The following CPEB1 variants were observed in gnomAD, a reference collection of about 807,000 sequenced individuals.
CPEB1 encodes the protein cytoplasmic polyadenylation element-binding protein 1.
CPEB1 carries 7 observed loss-of-function variants against 65.8 expected under a neutral mutation model. The observed-to-expected ratio is 0.11, with a 90% CI of 0.06 to 0.20. CPEB1 has a LOEUF of 0.20. Among genes scored for constraint, CPEB1 ranks in the 10% least tolerant of loss-of-function variants. The probability of loss-of-function intolerance (pLI) is 1.00; values close to 1 mark genes in which losing one functional copy is unlikely to be tolerated. For missense variants in CPEB1, 551 were observed against 712.2 expected, an observed-to-expected ratio of 0.77 and a Z score of 2.58; for synonymous variants, 262 against 260.0, an observed-to-expected ratio of 1.01 and a Z score of -0.08.
At chr15:82,552,380 T>C in intron 9 of CPEB1, 100 bp downstream of exon 9, 1 of 1,166,928 alleles carries the variant, frequency 8.6e-7, no homozygotes, top group Non-Finnish European at 1.2e-6. Flanking sequence ...TCAGCAGGAA[T>C]ACTCCTTGCC....
chr15:82,625,737 T>TC (rs1396405471), intron 3 of CPEB1, among the ~76,000 whole-genome samples: 3 of 152,204 alleles, frequency 2.0e-5, no homozygotes, highest in East Asian at 1.9e-4. Flanking sequence ...TGACTGTAAT[T>TC]ATCAGTCCTT....
rs1649434455 is a variant in CPEB1 at position 82,561,984 on chromosome 15, T to C, written c.461-3998A>G. Among the ~76,000 whole-genome samples, 3 of 152,338 alleles carry C rather than the reference T, an allele frequency of 2.0e-5. No individual in the cohort carries two copies. The South Asian group carries it at 6.2e-4, about 32-fold the overall frequency. On this transcript the variant is annotated intron_variant, in intron 4 of 12. Transcript: ENST00000684509. ...AACGTCTAGCACATGTCAAACACTG[T>C]GTTAGAAGCACTTTAGGTAAACAGT... is the stretch of plus-strand genomic sequence containing the variant.
At chr15:82,552,333 T>C (rs935508429) in intron 9 of CPEB1, 147 bp downstream of exon 9, 3 of 672,822 alleles carry the variant, frequency 4.5e-6, no homozygotes, top group Non-Finnish European at 6.9e-6. Flanking sequence ...GAGAGGATAC[T>C]GCTATTTTAT....
At chr15:82,607,023 G>C (rs993298591) in intron 3 of CPEB1, among the ~76,000 whole-genome samples, 7 of 151,770 alleles carry the variant, frequency 4.6e-5, no homozygotes, top group Non-Finnish European at 8.8e-5. Context: ...AAGAGACAAG[G>C]AAATTAAAGA....
At chr15:82,576,134 G>T (rs2040620155) in intron 3 of CPEB1, among the ~76,000 whole-genome samples, 1 of 152,100 alleles carries the variant, frequency 6.6e-6, no homozygotes, top group African/African-American at 2.4e-5. Flanking sequence ...CTATTATTCA[G>T]CAATAAAAAG....
intron 7 of CPEB1, 104 bp downstream of exon 7, chr15:82,553,774 G>A (rs1217532096): frequency 3.5e-6 from 3 of 855,450 alleles, no homozygotes; most frequent in Non-Finnish European, 5.9e-6. Flanking sequence ...AATACCCTGA[G>A]CTCAGGCAGG....
chr15:82,615,477 A>AT (rs1567223970), intron 3 of CPEB1, among the ~76,000 whole-genome samples: 1 of 152,218 alleles, frequency 6.6e-6, no homozygotes, highest in Non-Finnish European at 1.5e-5. Context: ...TCTGTCAGTG[A>AT]TTTTAATTAT....
chr15:82,631,050 A>G (rs532247909), intron 1 of CPEB1, among the ~76,000 whole-genome samples: 1 of 152,350 alleles, frequency 6.6e-6, no homozygotes, highest in South Asian at 2.1e-4. Flanking sequence ...TACATGACAG[A>G]TAAGTGGCAG....
intron 1 of CPEB1, chr15:82,629,115 A>G: frequency 4.5e-6 from 1 of 221,436 alleles, no homozygotes; most frequent in Non-Finnish European, 7.6e-6. Flanking sequence ...TTTTATGTCA[A>G]TACAGCTGTT....
At chr15:82,582,737 C>CTTTT (rs11300517) in intron 3 of CPEB1, among the ~76,000 whole-genome samples, 14 of 87,394 alleles carry the variant, frequency 1.6e-4, no homozygotes, top group East Asian at 9.1e-4. Flanking sequence ...ACTAGGAGTT[C>CTTTT]TTTTTTTTTT....
chr15:82,643,268 C>T (rs917723969), intron 1 of CPEB1, among the ~76,000 whole-genome samples: 1 of 152,176 alleles, frequency 6.6e-6, no homozygotes, highest in African/African-American at 2.4e-5. Flanking sequence ...TAGCTTGTGT[C>T]TGAGTTTACA....
chr15:82,592,441 G>A (rs2042334035), intron 3 of CPEB1, among the ~76,000 whole-genome samples: 1 of 151,854 alleles, frequency 6.6e-6, no homozygotes, highest in African/African-American at 2.4e-5. Context: ...TACAGGGACT[G>A]GTACGGCATG....
chr15:82,564,612 T>C (rs17158417), intron 4 of CPEB1, among the ~76,000 whole-genome samples: 2,376 of 152,248 alleles, frequency 0.016, 61 homozygotes, highest in African/African-American at 0.055. Flanking sequence ...AATGTTGACT[T>C]AGAGTGTAAT....
At chr15:82,603,064 G>T (rs1324404193) in intron 3 of CPEB1, among the ~76,000 whole-genome samples, 3 of 152,054 alleles carry the variant, frequency 2.0e-5, no homozygotes, top group Admixed American at 2.0e-4. Flanking sequence ...CAAGATAGCT[G>T]AATCTTGGTA....
chr15:82,578,280 A>G (rs1379196333), intron 3 of CPEB1, among the ~76,000 whole-genome samples: 1 of 152,252 alleles, frequency 6.6e-6, no homozygotes, highest in Non-Finnish European at 1.5e-5. Flanking sequence ...CTTTTCAACC[A>G]ATATGAAGGA....
rs374639193 is a variant in CPEB1, at chr15:82,556,065, T to C, written c.745A>G (p.Arg249Gly). The stretch of plus-strand genomic sequence containing the variant: ...CCTACCCCCATCTTTAAAGGGTCTC[T>C]GGGACCACCCCCTGACAGAGACAGG... ...PFLSLSGGGP[R>G]DPLKMGVGSR... The change falls in exon 6 of 13, where the codon AGA (arginine) becomes GGA (glycine). Residue 249 changes from arginine (R) to glycine (G), a missense_variant. By Grantham distance (125) the Arg-to-Gly change is moderately radical. Around this residue, in one of 6 missense-constraint regions of CPEB1, gnomAD observed 128 missense variants for 129.1 expected, o/e 0.99. Coordinates refer to ENST00000684509, the MANE Select transcript of CPEB1 (RefSeq NM_001365242.1). The C allele has an allele frequency of 6.2e-7, 1 of 1,611,346 alleles. No individual in the cohort carries two copies. The highest frequency in any genetic ancestry group is 8.5e-7 in the Non-Finnish European group (1 of 1,178,872).
intron 6 of CPEB1, among the ~76,000 whole-genome samples, chr15:82,555,277 G>A (rs945430181): frequency 1.3e-5 from 2 of 152,248 alleles, no homozygotes; most frequent in South Asian, 2.1e-4. Context: ...CTCTGCTTAA[G>A]TGCTGAGCCA....
chr15:82,619,062 C>G (rs2151286085), intron 3 of CPEB1, among the ~76,000 whole-genome samples: 1 of 152,252 alleles, frequency 6.6e-6, no homozygotes, highest in South Asian at 2.1e-4. Context: ...CTATCAAAGC[C>G]TATTATAAAG....
Position 82,543,318 on chromosome 15 carries a change from A to G in CPEB1, c.*1274T>C, listed in dbSNP as rs957597542. The stretch of plus-strand genomic sequence containing the variant: ...ACAATGAGGTAGAGACTTCACACAC[A>G]GCTTCACAAAACCCACAGAGTAGCT... On this transcript the variant is annotated 3_prime_UTR_variant, in exon 13 of 13. Coordinates refer to ENST00000684509, the MANE Select transcript of CPEB1 (RefSeq NM_001365242.1). 1 of 152,616 alleles carries G rather than the reference A, an allele frequency of 6.6e-6. No individual in the cohort carries two copies. The allele number at this position is 152,616 out of a possible 1,614,324, so 9.5% of individuals were successfully genotyped here. A position where few individuals can be genotyped will look rare whatever the true frequency, so the allele number is the denominator to read the frequency against.
Sources: gnomAD v4.1 joint callset for allele counts (sites outside exome capture counted in the v4.1 genomes callset) on GRCh38, gnomAD v4.1.1 for gene constraint, gnomAD v4.1.1 regional missense constraint, MANE v1.5 for transcripts, NCBI Gene and HGNC (gene_info 2026-07-23, HGNC 2026-07-21) for gene names.